Variants in NUP188 observed in about 807,000 individuals in gnomAD.
NUP188 encodes the protein nucleoporin 188, also known as nucleoporin NUP188.
A neutral mutation model predicts 223.0 loss-of-function variants in NUP188; 97 were observed. The observed-to-expected ratio is 0.43, with a 90% confidence interval of 0.37 to 0.51. The LOEUF is 0.51. Among genes scored for constraint, NUP188 ranks in the 20% least tolerant of loss-of-function variants. The pLI, the probability that NUP188 is intolerant of heterozygous loss-of-function variation, is 0.00. For missense variants in NUP188, 1,947 were observed against 2,175.6 expected, an observed-to-expected ratio of 0.89 and a Z score of 2.09; for synonymous variants, 869 against 828.0, an observed-to-expected ratio of 1.05 and a Z score of -0.85.
intron 3 of NUP188, among the ~76,000 whole-genome samples, 168 bp from the exon 4 acceptor site, chr9:128,956,182 G>GGT (rs60109270): frequency 0.17 from 22,506 of 134,562 alleles, 1,888 homozygotes; most frequent in East Asian, 0.36. Flanking sequence ...GAGGTGAATG[G>GGT]GTGTGTGTGT....
chr9:128,993,163 G>A lies in NUP188; in HGVS notation c.2641-34G>A, dbSNP rs923599358. On this transcript the variant is annotated intron_variant, in intron 25 of 43. Transcript: ENST00000372577. ...GCCCATTGAGGTTTTTGTGGAAGCAGAGCTCTAAGCCTGTGTGTTCCGGTC... is the reference window on the plus strand; with the variant it reads ...GCCCATTGAGGTTTTTGTGGAAGCAAAGCTCTAAGCCTGTGTGTTCCGGTC... The A allele has an allele frequency of 2.5e-6, 4 of 1,579,612 alleles. No individual in the cohort carries two copies. In the African/African-American group the frequency reaches 5.4e-5, roughly 21 times the overall value.
At chr9:128,966,339 C>T (rs1842030944) in intron 8 of NUP188, among the ~76,000 whole-genome samples, 1 of 151,014 alleles carries the variant, frequency 6.6e-6, no homozygotes, top group Non-Finnish European at 1.5e-5. Context: ...GTGAGACTCT[C>T]TGGATTTAAT....
In NUP188 at chr9:129,002,808, G is replaced by C; in HGVS notation, c.4138-9G>C. 5 of 1,612,938 alleles carry C rather than the reference G, an allele frequency of 3.1e-6. No homozygotes were observed. Among genetic ancestry groups the C allele is most frequent in the Non-Finnish European group, 4.2e-6 (5 of 1,179,420 alleles). ...GGGTTCCTGAGCTTGTCTGCTGTTT[G>C]TATCTTAGACACCTAGTGCCTCTCG... On this transcript the variant is annotated splice_polypyrimidine_tract_variant and intron_variant, in intron 36 of 43. Transcript: ENST00000372577.
At chr9:128,957,098 G>A in intron 5 of NUP188, 66 bp downstream of exon 5, 1 of 1,162,692 alleles carries the variant, frequency 8.6e-7, no homozygotes, top group South Asian at 1.4e-5. Flanking sequence ...TTTAGATAAT[G>A]TAGGATTTTG....
Position 128,982,977 on chromosome 9 carries a change from T to C in NUP188, c.1745T>C (p.Ile582Thr), listed in dbSNP as rs770764562. The C allele has an allele frequency of 1.9e-6, 3 of 1,614,132 alleles. No individual in the cohort carries two copies. The highest frequency in any genetic ancestry group is 2.5e-6 in the Non-Finnish European group (3 of 1,180,006). The change falls in exon 17 of 44, where the codon ATA becomes ACA. Residue 582 changes from isoleucine (I) to threonine (T), a missense_variant. By Grantham distance (89) the Ile-to-Thr change is moderately conservative. Around this residue, in one of 3 missense-constraint regions of NUP188, gnomAD observed 817 missense variants for 865.8 expected, o/e 0.94. Transcript: ENST00000372577. ...AAGGTCATCAGTACAGACCTGTCGA[T>C]AGCAGACTGTCTCCTGCCCATCACA... ...VHKVISTDLSIADCLLPITSR... is the reference protein window; with the variant it reads ...VHKVISTDLSTADCLLPITSR...
At position 128,998,549 on chromosome 9, in the gene NUP188, A is replaced by G; in HGVS notation, c.3441A>G (p.Pro1147=). ...CTGTCTCCTTTCAGCTCCTAGTTCC[A>G]GCCTCAGTGAACTGCCTTCGCCTTG... ...LDGTKALLLV[P]ASVNCLRLGS... Residue 1147 remains proline (P), a synonymous_variant, in exon 32 of 44, where the codon CCA becomes CCG. Transcript: ENST00000372577. 3.1e-6 allele frequency: 5 copies of G among 1,614,098 alleles called. No individual in the cohort carries two copies. The highest frequency in any genetic ancestry group is 4.2e-6 in the Non-Finnish European group (5 of 1,179,958).
chr9:128,981,169 A>G lies in NUP188; in HGVS notation c.1390-95A>G. On this transcript the variant is annotated intron_variant, in intron 14 of 43. Transcript: ENST00000372577. ...AGAACAGTCACAGTGGTGGGCTTGC[A>G]AGAAGTTTGAGAGTCTGGTTGAAAG... 2 of 1,458,142 alleles carry G rather than the reference A, an allele frequency of 1.4e-6. 1 individual carries two copies. Among genetic ancestry groups the G allele is most frequent in the Middle Eastern group, 3.6e-4 (2 of 5,544 alleles). The allele number at this position is 1,458,142 out of a possible 1,614,324, so 90.3% of individuals were successfully genotyped here.
chr9:128,995,255 C>A, intron 29 of NUP188, 64 bp from the exon 30 acceptor site: 1 of 1,351,696 alleles, frequency 7.4e-7, no homozygotes, highest in South Asian at 1.2e-5. Flanking sequence ...CAACAAGGGT[C>A]TGTACCCATT....
intron 8 of NUP188, among the ~76,000 whole-genome samples, chr9:128,961,389 G>A (rs924288383): frequency 1.8e-4 from 28 of 151,684 alleles, no homozygotes; most frequent in African/African-American, 6.8e-4. Flanking sequence ...GCACGTGCCT[G>A]TACTCCCAGC....
At chr9:128,967,520 G>GT (rs1422642318) in intron 8 of NUP188, among the ~76,000 whole-genome samples, 1 of 152,180 alleles carries the variant, frequency 6.6e-6, no homozygotes, top group African/African-American at 2.4e-5. Context: ...GCTGGGCGCG[G>GT]TGGCTCACGC....
At chr9:128,987,762 C>G (rs373068159) in intron 23 of NUP188, 45 bp downstream of exon 23, 199 of 1,592,714 alleles carry the variant, frequency 1.2e-4, no homozygotes, top group Non-Finnish European at 1.6e-4. Context: ...TTTATTGTGC[C>G]TGCATGTTAC....
At chr9:129,003,080 G>A in intron 37 of NUP188, 105 bp downstream of exon 37, 4 of 1,309,648 alleles carry the variant, frequency 3.1e-6, no homozygotes, top group Admixed American at 2.4e-5. Flanking sequence ...GTAGCGGAGG[G>A]TTGTCGATGC....
intron 17 of NUP188, 109 bp from the exon 18 acceptor site, chr9:128,983,184 A>G: frequency 3.6e-6 from 5 of 1,397,128 alleles, no homozygotes; most frequent in Non-Finnish European, 5.0e-6. Context: ...TCCTGTTTTT[A>G]TATGTCTGCT....
Position 128,970,725 on chromosome 9 carries a change from C to G in NUP188, c.913-33C>G, listed in dbSNP as rs150075006. ...TCGAGGGATATTAACACTTTCTGTT[C>G]GGAGATGTAGATGTGTTTTCTTCTC... On this transcript the variant is annotated intron_variant, in intron 10 of 43. Coordinates refer to ENST00000372577, the MANE Select transcript of NUP188 (RefSeq NM_015354.3). The G allele has an allele frequency of 1.3e-5, 20 of 1,578,654 alleles. No individual in the cohort carries two copies. The South Asian group carries it at 2.0e-4, about 16-fold the overall frequency.
intron 7 of NUP188, 26 bp downstream of exon 7, chr9:128,958,920 C>T (rs912446176): frequency 1.4e-6 from 2 of 1,462,902 alleles, no homozygotes; most frequent in African/African-American, 1.4e-5. Context: ...CCTCTTGCTT[C>T]TCTTTATACT....
chr9:128,985,073 G>A, intron 20 of NUP188, 59 bp downstream of exon 20: 1 of 1,236,250 alleles, frequency 8.1e-7, no homozygotes, highest in Non-Finnish European at 1.2e-6. Context: ...CTTGTCAGAT[G>A]ACTCTGAAAT....
At chr9:128,977,706 G>A (rs1027533775) in intron 12 of NUP188, among the ~76,000 whole-genome samples, 1 of 152,048 alleles carries the variant, frequency 6.6e-6, no homozygotes, top group African/African-American at 2.4e-5. Flanking sequence ...TGCTGAGGCA[G>A]GAGAATTGCT....
In NUP188 at chr9:129,002,830, CTCGGAAG is replaced by C. The variant is rs754738709; in HGVS notation, c.4154_4160del (p.Arg1385ProfsTer17). ...TTTGTATCTTAGACACCTAGTGCCT[CTCGGAAG>C]TCCCTGGATGCCCCCTCTTGGCCAG... On this transcript the variant is annotated frameshift_variant, in exon 37 of 44. Coordinates refer to ENST00000372577, the MANE Select transcript of NUP188 (RefSeq NM_015354.3). LOFTEE classifies it high-confidence loss of function. 18 of 1,613,948 alleles carry C rather than the reference CTCGGAAG, an allele frequency of 1.1e-5. No homozygotes were observed. The highest frequency in any genetic ancestry group is 1.4e-5 in the Non-Finnish European group (17 of 1,179,986).
At chr9:128,980,466 G>T in intron 13 of NUP188, 140 bp from the exon 14 acceptor site, 1 of 815,554 alleles carries the variant, frequency 1.2e-6, no homozygotes, top group South Asian at 2.2e-5. Flanking sequence ...AAATATGAAA[G>T]TCTTAAATTA....
Sources: allele counts gnomAD v4.1 joint callset (sites outside exome capture counted in the v4.1 genomes callset), GRCh38; gene constraint gnomAD v4.1.1; regional missense constraint gnomAD v4.1.1; transcripts MANE v1.5; gene names NCBI Gene and HGNC (gene_info 2026-07-23, HGNC 2026-07-21).